The following OGFOD3 variants were observed in gnomAD, a reference collection of about 807,000 sequenced individuals.
OGFOD3 encodes the protein 2-oxoglutarate and iron-dependent oxygenase domain-containing protein 3.
A neutral mutation model predicts 39.8 loss-of-function variants in OGFOD3; 35 were observed. The observed-to-expected ratio is 0.88, with a 90% CI of 0.67 to 1.17. The LOEUF (loss-of-function observed/expected upper bound fraction) is 1.17, where lower values mean the gene tolerates loss of function less well. Among genes scored for constraint, OGFOD3 ranks in the 50% most tolerant of loss-of-function variants. The pLI is 0.00. For synonymous variants in OGFOD3, 200 were observed against 192.0 expected, an observed-to-expected ratio of 1.04 and a Z score of -0.34; for missense variants, 438 against 454.5, an observed-to-expected ratio of 0.96 and a Z score of 0.33.
intron 7 of OGFOD3, 100 bp downstream of exon 7, chr17:82,403,837 C>A: frequency 6.8e-7 from 1 of 1,481,298 alleles, no homozygotes. Flanking sequence ...CTCACCTTGT[C>A]CACGAGCGCG....
In OGFOD3 at chr17:82,410,846, G is replaced by T. The variant is rs138482421; in HGVS notation, c.380+609C>A. On this transcript the variant is annotated intron_variant, in intron 3 of 8. Coordinates refer to ENST00000313056, the MANE Select transcript of OGFOD3 (RefSeq NM_024648.3). ...CAATTCTCCTGTCTCAGCCTCCTGA[G>T]TAGCTGGGATTACAGGAGTGTGCCA... Among the ~76,000 whole-genome samples, 449 of 149,168 alleles carry T rather than the reference G, an allele frequency of 3.0e-3. 9 individuals carry two copies. Among genetic ancestry groups the T allele is most frequent in the Non-Finnish European group, 3.8e-3 (254 of 67,638 alleles).
chr17:82,409,267 G>T (rs2052906003), intron 4 of OGFOD3, 101 bp downstream of exon 4: 4 of 1,194,420 alleles, frequency 3.3e-6, no homozygotes, highest in Non-Finnish European at 3.7e-6. Context: ...ACATTTGGGG[G>T]CACGCAGGGA....
Position 82,415,464 on chromosome 17 carries a change from C to G in OGFOD3, c.238G>C (p.Val80Leu), listed in dbSNP as rs929690119. 1 of 1,614,070 alleles carries G rather than the reference C, an allele frequency of 6.2e-7. No homozygotes were observed. Among genetic ancestry groups the G allele is most frequent in the South Asian group, 1.1e-5 (1 of 91,084 alleles). The change falls in exon 2 of 9, where the codon GTC becomes CTC. Residue 80 changes from valine to leucine, a missense_variant. Coordinates refer to ENST00000313056, the MANE Select transcript of OGFOD3 (RefSeq NM_024648.3). The surrounding 1 kb of genome is among the most constrained non-coding windows in gnomAD (Gnocchi z 5.3). ...VAEVLARRGE[V>L]VAGRFIEVPC... Reference sequence around the variant, plus strand: ...ACCTCGATGAATCTCCCTGCCACGACCTCGCCACGGCGGGCCAGGACCTCT... The same window carrying G: ...ACCTCGATGAATCTCCCTGCCACGAGCTCGCCACGGCGGGCCAGGACCTCT...
rs2052853127 is a variant in OGFOD3, at chr17:82,406,185, G to A, written c.488+233C>T. On this transcript the variant is annotated intron_variant, in intron 5 of 8. Transcript: ENST00000313056. The surrounding 1 kb of genome is among the most constrained non-coding windows in gnomAD (Gnocchi z 5.2). ...CACAAAAACACCAGATTCCCCTAAA[G>A]CTTCATGAACAAGCCCCCTGCCCAC... 1.3e-5 allele frequency among the ~76,000 whole-genome samples: 2 copies of A among 152,064 alleles called. No individual in the cohort carries two copies. Among genetic ancestry groups the A allele is most frequent in the South Asian group, 4.1e-4 (2 of 4,824 alleles).
At position 82,409,399 on chromosome 17, in the gene OGFOD3, T is replaced by C. The variant is rs111690356; in HGVS notation, c.392A>G (p.Lys131Arg). 33,855 of 1,613,742 alleles carry C rather than the reference T, an allele frequency of 0.021. 439 individuals are homozygous for C. The highest frequency in any genetic ancestry group is 0.045 in the Admixed American group (2,728 of 60,008). The change falls in exon 4 of 9, where the codon AAG becomes AGG. Residue 131 changes from lysine (K) to arginine (R), a missense_variant. Coordinates refer to ENST00000313056, the MANE Select transcript of OGFOD3 (RefSeq NM_024648.3). ...EAERIRSVAE[K>R]GLSLGGSDGG... The stretch of plus-strand genomic sequence containing the variant: ...GTCAGATCCTCCCAGGGAGAGCCCC[T>C]TTTCAGCTACGCTGCAGGGAGAAAA...
intron 7 of OGFOD3, among the ~76,000 whole-genome samples, chr17:82,403,625 T>C (rs1375969018): frequency 6.6e-6 from 1 of 152,162 alleles, no homozygotes. Context: ...AGCGAGACTC[T>C]GTCTCAACCA....
chr17:82,414,952 T>C (rs1338708818), intron 2 of OGFOD3, among the ~76,000 whole-genome samples: 2 of 152,050 alleles, frequency 1.3e-5, no homozygotes, highest in South Asian at 4.1e-4. Context: ...TGCTCCAGGC[T>C]CTGGGCTGCC....
intron 7 of OGFOD3, among the ~76,000 whole-genome samples, chr17:82,402,452 G>A (rs2052782264): frequency 6.7e-6 from 1 of 149,614 alleles, no homozygotes; most frequent in South Asian, 2.1e-4. Context: ...AAGAAAGAAA[G>A]AAAGAAAGAA....
Position 82,398,324 on chromosome 17 carries a change from G to A in OGFOD3, c.700-5C>T, listed in dbSNP as rs569212750. ...GTCGAAGGAGCCGTAGGTCACCTGA[G>A]GGCAGAGCCGGGAGGAGGGGGCAGA... On this transcript the variant is annotated splice_polypyrimidine_tract_variant and splice_region_variant and intron_variant, in intron 7 of 8. Coordinates refer to ENST00000313056, the MANE Select transcript of OGFOD3 (RefSeq NM_024648.3). 6.2e-7 allele frequency: 1 copy of A among 1,613,946 alleles called. No individual in the cohort carries two copies. The highest frequency in any genetic ancestry group is 1.1e-5 in the South Asian group (1 of 91,072).
intron 3 of OGFOD3, among the ~76,000 whole-genome samples, chr17:82,410,208 G>A (rs113437939): frequency 0.017 from 2,634 of 152,324 alleles, 36 homozygotes; most frequent in Admixed American, 0.036. Context: ...GTGGGGACAC[G>A]CCGGTGCCTC....
intron 4 of OGFOD3, among the ~76,000 whole-genome samples, chr17:82,407,906 G>A (rs2052880612): frequency 6.6e-6 from 1 of 152,212 alleles, no homozygotes; most frequent in South Asian, 2.1e-4. Flanking sequence ...ACTTTGGGGG[G>A]TCAAGGCAGG....
chr17:82,392,700 CT>C lies in OGFOD3; in HGVS notation c.824-167del. On this transcript the variant is annotated intron_variant, in intron 8 of 8. Transcript: ENST00000313056. The surrounding 1 kb of genome is among the most constrained non-coding windows in gnomAD (Gnocchi z 4.2). ...GAACTGCTTCTGCAGGAAGGAGGAG[CT>C]GGAGAAACAAACGCAGCAATGCTCA... 1 of 839,698 alleles carries C rather than the reference CT, an allele frequency of 1.2e-6. No individual in the cohort carries two copies. Among genetic ancestry groups the C allele is most frequent in the Non-Finnish European group, 1.8e-6 (1 of 555,404 alleles). The allele number at this position is 839,698 out of a possible 1,614,324, so 52.0% of individuals were successfully genotyped here.
At position 82,391,777 on chromosome 17, in the gene OGFOD3, C is replaced by G. The variant is rs1390535099; in HGVS notation, c.*621G>C. 1 of 152,868 alleles carries G rather than the reference C, an allele frequency of 6.5e-6. No homozygotes were observed. Among genetic ancestry groups the G allele is most frequent in the Non-Finnish European group, 1.5e-5 (1 of 68,556 alleles). The allele number at this position is 152,868 out of a possible 1,614,324, so 9.5% of individuals were successfully genotyped here. A position where few individuals can be genotyped will look rare whatever the true frequency, so the allele number is the denominator to read the frequency against. On this transcript the variant is annotated 3_prime_UTR_variant, in exon 9 of 9. Coordinates refer to ENST00000313056, the MANE Select transcript of OGFOD3 (RefSeq NM_024648.3). The surrounding 1 kb of genome is among the most constrained non-coding windows in gnomAD (Gnocchi z 5.1). ...GATGCTGGCCGCTGACAGGGCCAAGCCTGGTGTGGTGGGGCCGTGGCCCAC... is the reference window on the plus strand; with the variant it reads ...GATGCTGGCCGCTGACAGGGCCAAGGCTGGTGTGGTGGGGCCGTGGCCCAC...
chr17:82,411,186 A>G (rs923906685), intron 3 of OGFOD3, among the ~76,000 whole-genome samples: 2 of 151,284 alleles, frequency 1.3e-5, no homozygotes, highest in Non-Finnish European at 2.9e-5. Context: ...AGCTGGGACT[A>G]CAGGCACATG....
intron 2 of OGFOD3, among the ~76,000 whole-genome samples, chr17:82,412,920 A>G (rs1421669982): frequency 1.3e-5 from 2 of 152,190 alleles, no homozygotes; most frequent in Admixed American, 1.3e-4. Flanking sequence ...CCATGGGAAT[A>G]AAAGCCTCGC....
At chr17:82,409,319 G>A (rs1314306171) in intron 4 of OGFOD3, 49 bp downstream of exon 4, 3 of 1,592,218 alleles carry the variant, frequency 1.9e-6, no homozygotes, top group African/African-American at 1.3e-5. Flanking sequence ...CCAAGTGAGA[G>A]CAAAGTTAAC....
chr17:82,409,864 C>G (rs2052916311), intron 3 of OGFOD3, among the ~76,000 whole-genome samples: 1 of 152,084 alleles, frequency 6.6e-6, no homozygotes, highest in African/African-American at 2.4e-5. Context: ...CACTGCACTC[C>G]AGCCTGGACA....
intron 7 of OGFOD3, chr17:82,401,527 T>G (rs1475799814): frequency 6.6e-6 from 1 of 151,804 alleles, no homozygotes; most frequent in African/African-American, 2.4e-5. Context: ...TCTCTCTCCT[T>G]CTGATTACAA....
intron 1 of OGFOD3, among the ~76,000 whole-genome samples, chr17:82,416,261 A>C (rs754630349): frequency 6.6e-5 from 10 of 152,286 alleles, no homozygotes; most frequent in South Asian, 2.1e-4. Flanking sequence ...TAAATAAACA[A>C]ACACACACCA....
Sources: gnomAD v4.1 joint callset for allele counts (sites outside exome capture counted in the v4.1 genomes callset) on GRCh38, gnomAD v4.1.1 for gene constraint, Gnocchi (gnomAD v3.1) non-coding constraint, MANE v1.5 for transcripts, NCBI Gene and HGNC (gene_info 2026-07-23, HGNC 2026-07-21) for gene names.